Variants in ADGRV1 observed in about 807,000 individuals in gnomAD.
ADGRV1 encodes adhesion G protein-coupled receptor V1.
In ADGRV1, 359 loss-of-function variants were observed where a neutral mutation model predicts 596.2. That is an observed-to-expected ratio of 0.60 (90% CI 0.55 to 0.66). The LOEUF (loss-of-function observed/expected upper bound fraction) is 0.66, where lower values mean the gene tolerates loss of function less well. Ranked by LOEUF, ADGRV1 falls within the 30% of genes least tolerant of loss-of-function variation. The probability of loss-of-function intolerance (pLI) is 0.00; values close to 1 mark genes in which losing one functional copy is unlikely to be tolerated. For missense variants in ADGRV1, 7,274 were observed against 7,575.6 expected, an observed-to-expected ratio of 0.96 and a Z score of 1.48; for synonymous variants, 2,681 against 2,679.2, an observed-to-expected ratio of 1.00 and a Z score of -0.02.
chr5:91,003,105 T>C (rs114713440), intron 85 of ADGRV1, among the ~76,000 whole-genome samples: 2,442 of 152,214 alleles, frequency 0.016, 76 homozygotes, highest in African/African-American at 0.056. Flanking sequence ...TCATGTGGAA[T>C]TGGTGAGCTG....
At chr5:90,874,054 C>A (rs987503978) in intron 83 of ADGRV1, among the ~76,000 whole-genome samples, 5 of 152,072 alleles carry the variant, frequency 3.3e-5, no homozygotes. Context: ...AATCATTTTC[C>A]CTAAAACTTT....
chr5:90,628,535 A>G lies in ADGRV1; in HGVS notation c.1239-27A>G, dbSNP rs923998414. The G allele has an allele frequency of 6.3e-6, 10 of 1,594,014 alleles. No individual in the cohort carries two copies. In the African/African-American group the frequency reaches 8.0e-5, roughly 13 times the overall value. On this transcript the variant is annotated intron_variant, in intron 7 of 89. Coordinates refer to ENST00000405460, the MANE Select transcript of ADGRV1 (RefSeq NM_032119.4). ...GGGAAATAAAGTGTACTATGTGACA[A>G]TATGTATTTCTTTTAAAACATTTAA...
chr5:90,853,279 TGTA>T lies in ADGRV1; in HGVS notation c.17205-3_17205-1del. Reference sequence around the variant, plus strand: ...TTTTACAGACCCTTTGCTTTTCTGTTGTAGAAGCAAAACCATCCTTGATAGTTG... The same window carrying T: ...TTTTACAGACCCTTTGCTTTTCTGTTGAAGCAAAACCATCCTTGATAGTTG... On this transcript the variant is annotated splice_acceptor_variant and splice_polypyrimidine_tract_variant and intron_variant, in intron 79 of 89. Coordinates refer to ENST00000405460, the MANE Select transcript of ADGRV1 (RefSeq NM_032119.4). LOFTEE classifies it high-confidence loss of function. The T allele has an allele frequency of 6.3e-7, 1 of 1,597,130 alleles. No homozygotes were observed. The highest frequency in any genetic ancestry group is 8.5e-7 in the Non-Finnish European group (1 of 1,170,504).
At chr5:90,968,695 G>A (rs1217024237) in intron 84 of ADGRV1, among the ~76,000 whole-genome samples, 1 of 149,862 alleles carries the variant, frequency 6.7e-6, no homozygotes, top group Non-Finnish European at 1.5e-5. Flanking sequence ...TTATAAAACA[G>A]TGACTGCTGA....
chr5:90,893,753 A>C (rs546780131), intron 83 of ADGRV1, among the ~76,000 whole-genome samples: 17 of 152,356 alleles, frequency 1.1e-4, no homozygotes, highest in Admixed American at 5.9e-4. Context: ...TTATTTACTC[A>C]TAAGGATTAC....
chr5:90,685,722 G>A (rs1221212950), intron 28 of ADGRV1, 58 bp from the exon 29 acceptor site: 15 of 1,325,622 alleles, frequency 1.1e-5, no homozygotes, highest in Non-Finnish European at 1.5e-5. Flanking sequence ...ATGACTTTTG[G>A]CCAGTTCTTA....
intron 83 of ADGRV1, among the ~76,000 whole-genome samples, chr5:90,923,698 T>A (rs929786088): frequency 2.0e-4 from 31 of 152,156 alleles, no homozygotes; most frequent in African/African-American, 7.5e-4. Context: ...GTTACATATG[T>A]ATACATGTGC....
chr5:91,124,704 A>G (rs1001120329), intron 87 of ADGRV1, among the ~76,000 whole-genome samples: 1 of 152,218 alleles, frequency 6.6e-6, no homozygotes, highest in African/African-American at 2.4e-5. Context: ...GTATTCCTCA[A>G]AAAAGGCTGT....
chr5:90,815,565 G>T, intron 74 of ADGRV1, 54 bp from the exon 75 acceptor site: 1 of 981,050 alleles, frequency 1.0e-6, no homozygotes, highest in South Asian at 1.4e-5. Flanking sequence ...TGGAGCATGG[G>T]AGGTCTTTTA....
Position 90,685,904 on chromosome 5 carries a change from T to C in ADGRV1, c.6399T>C (p.His2133=), listed in dbSNP as rs773696344. Residue 2133 remains histidine (H), a synonymous_variant, in exon 29 of 90, where the codon CAT becomes CAC. Transcript: ENST00000405460. ...SAPIVRVAEN[H]VGPIINVTRT... ...CAATTGTCCGAGTGGCAGAAAATCA[T>C]GTTGGACCCATTATCAATGTGACTA... The C allele has an allele frequency of 4.3e-6, 7 of 1,611,888 alleles. No individual in the cohort carries two copies. The highest frequency in any genetic ancestry group is 1.1e-5 in the South Asian group (1 of 90,786).
chr5:90,765,210 A>C (rs1254413154), intron 59 of ADGRV1, among the ~76,000 whole-genome samples: 1 of 152,048 alleles, frequency 6.6e-6, no homozygotes, highest in Non-Finnish European at 1.5e-5. Context: ...CTGGCACCTG[A>C]TGTCCCTAGA....
chr5:90,647,873 A>T, intron 17 of ADGRV1, 109 bp downstream of exon 17: 1 of 920,330 alleles, frequency 1.1e-6, no homozygotes, highest in African/African-American at 1.7e-5. Context: ...CTACATTTGT[A>T]CTATTCAAGA....
chr5:90,877,235 A>G (rs1273833564), intron 83 of ADGRV1, among the ~76,000 whole-genome samples: 1 of 152,160 alleles, frequency 6.6e-6, no homozygotes. Context: ...CGCAAAAAGG[A>G]TTGCTCTACC....
chr5:90,988,478 T>G (rs564845535), intron 85 of ADGRV1, among the ~76,000 whole-genome samples: 77 of 152,286 alleles, frequency 5.1e-4, no homozygotes, highest in African/African-American at 1.8e-3. Flanking sequence ...TTTGGTCTAC[T>G]TTTCCCCCTG....
At chr5:90,616,387 A>T (rs1763371296) in intron 2 of ADGRV1, among the ~76,000 whole-genome samples, 1 of 152,122 alleles carries the variant, frequency 6.6e-6, no homozygotes, top group South Asian at 2.1e-4. Context: ...GTTAAGGAAA[A>T]GTTTATGATG....
chr5:90,620,976 A>G (rs1311785037), intron 4 of ADGRV1, among the ~76,000 whole-genome samples: 2 of 152,168 alleles, frequency 1.3e-5, no homozygotes, highest in Non-Finnish European at 2.9e-5. Context: ...CCTTTGCTCA[A>G]TAGTGTATTT....
rs368085746 is a variant in ADGRV1, at chr5:90,847,609, G to A, written c.17020-1028G>A. On this transcript the variant is annotated intron_variant, in intron 78 of 89. Coordinates refer to ENST00000405460, the MANE Select transcript of ADGRV1 (RefSeq NM_032119.4). Reference sequence around the variant, plus strand: ...AGGCTTGGGCTGCTCAGGAGCCCACGGTGGTGGGGGGAGGCTCAGGCATGG... The same window carrying A: ...AGGCTTGGGCTGCTCAGGAGCCCACAGTGGTGGGGGGAGGCTCAGGCATGG... Among the ~76,000 whole-genome samples, 377 of 152,320 alleles carry A rather than the reference G, an allele frequency of 2.5e-3. 1 individual carries two copies. The highest frequency in any genetic ancestry group is 8.3e-3 in the African/African-American group (346 of 41,578).
At chr5:90,859,798 T>C (rs901156582) in intron 82 of ADGRV1, among the ~76,000 whole-genome samples, 11 of 152,108 alleles carry the variant, frequency 7.2e-5, no homozygotes, top group Non-Finnish European at 1.6e-4. Context: ...TATTTCATTT[T>C]AATTAATGAA....
rs1256370745 is a variant in ADGRV1, at chr5:90,823,473, AGTC to A, written c.16251_16253del (p.Val5418del). The A allele has an allele frequency of 2.5e-6, 4 of 1,614,002 alleles. No homozygotes were observed. Among genetic ancestry groups the A allele is most frequent in the Non-Finnish European group, 1.7e-6 (2 of 1,179,892 alleles). On this transcript the variant is annotated inframe_deletion, in exon 76 of 90. Coordinates refer to ENST00000405460, the MANE Select transcript of ADGRV1 (RefSeq NM_032119.4). ...TTTGGCGAGTCACACTTAACAAAAC[AGTC>A]GTCGTGCTCCAGAAGGATGGGGTAA...
Sources: gnomAD v4.1 joint callset for allele counts (sites outside exome capture counted in the v4.1 genomes callset) on GRCh38, gnomAD v4.1.1 for gene constraint, MANE v1.5 for transcripts, NCBI Gene and HGNC (gene_info 2026-07-23, HGNC 2026-07-21) for gene names.